Variants in LFNG observed in about 807,000 individuals in gnomAD.
LFNG encodes LFNG O-fucosylpeptide 3-beta-N-acetylglucosaminyltransferase.
A neutral mutation model predicts 32.7 loss-of-function variants in LFNG; 15 were observed. That is an observed-to-expected ratio of 0.46 (90% CI 0.31 to 0.71). The LOEUF (loss-of-function observed/expected upper bound fraction) is 0.71, where lower values mean the gene tolerates loss of function less well. Among genes scored for constraint, LFNG ranks in the 30% least tolerant of loss-of-function variants. The pLI, the probability that LFNG is intolerant of heterozygous loss-of-function variation, is 0.06. For synonymous variants in LFNG, 274 were observed against 246.8 expected, an observed-to-expected ratio of 1.11 and a Z score of -1.03; for missense variants, 520 against 545.7, an observed-to-expected ratio of 0.95 and a Z score of 0.47.
Position 2,526,989 on chromosome 7 carries a change from C to G in LFNG, c.1073+68C>G. 1 of 1,489,764 alleles carries G rather than the reference C, an allele frequency of 6.7e-7. No homozygotes were observed. The highest frequency in any genetic ancestry group is 9.3e-7 in the Non-Finnish European group (1 of 1,074,518). The allele number at this position is 1,489,764 out of a possible 1,614,324, so 92.3% of individuals were successfully genotyped here. A position where few individuals can be genotyped will look rare whatever the true frequency, so the allele number is the denominator to read the frequency against. On this transcript the variant is annotated intron_variant, in intron 7 of 7. Coordinates refer to ENST00000222725, the MANE Select transcript of LFNG (RefSeq NM_001040167.2). The surrounding 1 kb of genome is among the most constrained non-coding windows in gnomAD (Gnocchi z 6.9). ...AGGGGCGTCAGGGGGCCTCGTGGAG[C>G]TGCAGCAGGGTCTCTCTAAGCGGCA...
In LFNG at chr7:2,519,797, C is replaced by G. The variant is rs1266331685; in HGVS notation, c.-65C>G. 4.2e-6 allele frequency: 4 copies of G among 947,068 alleles called. No individual in the cohort carries two copies. Among genetic ancestry groups the G allele is most frequent in the Non-Finnish European group, 5.1e-6 (4 of 786,270 alleles). The allele number at this position is 947,068 out of a possible 1,614,324, so 58.7% of individuals were successfully genotyped here. On this transcript the variant is annotated 5_prime_UTR_variant, in exon 1 of 8. Coordinates refer to ENST00000222725, the MANE Select transcript of LFNG (RefSeq NM_001040167.2). ...CTGCTGGACTGCGCCGCCGGAGCGA[C>G]GGGCTTCGGGTCGGTGCAAGGCAGG...
At chr7:2,523,574 G>C (rs1779852158) in intron 1 of LFNG, 1 of 152,248 alleles carries the variant, frequency 6.6e-6, no homozygotes, top group South Asian at 2.1e-4. Flanking sequence ...CGCTGGGCGG[G>C]CCGGGCAGAG....
chr7:2,518,546 AG>A, upstream of LFNG: 1 of 1,370,176 alleles, frequency 7.3e-7, no homozygotes, highest in Non-Finnish European at 1.0e-6. Context: ...AACCTGTTCC[AG>A]GTCTGAATGA....
intron 1 of LFNG, 154 bp from the exon 2 acceptor site, chr7:2,524,541 G>T: frequency 1.4e-6 from 1 of 740,198 alleles, no homozygotes; most frequent in Non-Finnish European, 2.4e-6. Flanking sequence ...GCCCTTCTCA[G>T]CACGAGTGGG....
intron 1 of LFNG, among the ~76,000 whole-genome samples, chr7:2,521,686 T>C (rs981367876): frequency 1.3e-5 from 2 of 152,228 alleles, no homozygotes; most frequent in Admixed American, 1.3e-4. Context: ...CCACCAGCTC[T>C]GAGCACCTCT....
upstream of LFNG, among the ~76,000 whole-genome samples, chr7:2,515,149 C>T (rs1235198023): frequency 1.4e-5 from 2 of 147,972 alleles, no homozygotes; most frequent in South Asian, 2.2e-4. Context: ...CATCCATCCA[C>T]CTTTCCATCC....
intron 1 of LFNG, among the ~76,000 whole-genome samples, chr7:2,524,080 G>A (rs1375953838): frequency 3.3e-5 from 5 of 152,166 alleles, no homozygotes; most frequent in Non-Finnish European, 7.4e-5. Flanking sequence ...AGGCCGGCCC[G>A]GCGCCCCTCT....
upstream of LFNG, among the ~76,000 whole-genome samples, chr7:2,513,849 C>A (rs970021851): frequency 1.3e-5 from 2 of 152,230 alleles, no homozygotes; most frequent in Admixed American, 6.5e-5. Context: ...CCCATCCAGC[C>A]CCATGGCCCA....
chr7:2,527,822 G>A lies in LFNG; in HGVS notation c.*610G>A. On this transcript the variant is annotated 3_prime_UTR_variant, in exon 8 of 8. Transcript: ENST00000222725. This position sits in a 1 kb window ranked among gnomAD's most constrained non-coding sequence, Gnocchi z 4.4. Reference sequence around the variant, plus strand: ...GAAGCCCCCAGTGGCTGGCTGTCCAGCTGGGCAAACAGTGGCACCCCTCCC... The same window carrying A: ...GAAGCCCCCAGTGGCTGGCTGTCCAACTGGGCAAACAGTGGCACCCCTCCC... 1 of 1,003,886 alleles carries A rather than the reference G, an allele frequency of 1.0e-6. No individual in the cohort carries two copies. The highest frequency in any genetic ancestry group is 1.2e-6 in the Non-Finnish European group (1 of 839,620). The allele number at this position is 1,003,886 out of a possible 1,614,324, so 62.2% of individuals were successfully genotyped here. A position where few individuals can be genotyped will look rare whatever the true frequency, so the allele number is the denominator to read the frequency against.
At position 2,526,380 on chromosome 7, in the gene LFNG, C is replaced by T. The variant is rs750422197; in HGVS notation, c.958C>T (p.Gln320Ter). ...CCACTCCCACCTGGAGAACCTGCAG[C>T]AGGTGCCCACCTCGGAGCTCCACGA... Reference protein sequence around the residue: ...LFHSHLENLQQVPTSELHEQV... With the variant: ...LFHSHLENLQ The change falls in exon 6 of 8, where the codon CAG becomes TAG. Residue 320 changes from glutamine (Q) to a stop codon, truncating the protein, a stop_gained. Coordinates refer to ENST00000222725, the MANE Select transcript of LFNG (RefSeq NM_001040167.2). LOFTEE classifies it high-confidence loss of function. The surrounding 1 kb of genome is among the most constrained non-coding windows in gnomAD (Gnocchi z 6.9). 6.2e-7 allele frequency: 1 copy of T among 1,610,696 alleles called. No homozygotes were observed.
chr7:2,517,231 G>A (rs962350157), upstream of LFNG, among the ~76,000 whole-genome samples: 3 of 152,136 alleles, frequency 2.0e-5, no homozygotes, highest in Non-Finnish European at 2.9e-5. Flanking sequence ...CAGACCTCAA[G>A]AAGTCACCAC....
chr7:2,525,404 T>G lies in LFNG; in HGVS notation c.582-10T>G. On this transcript the variant is annotated splice_polypyrimidine_tract_variant and intron_variant, in intron 3 of 7. Coordinates refer to ENST00000222725, the MANE Select transcript of LFNG (RefSeq NM_001040167.2). ...CATGCCCTCCCCCGATGGCCCTGCC[T>G]TGTCCTCAGGTGGTTCTGCCACGTG... The G allele has an allele frequency of 6.2e-7, 1 of 1,612,812 alleles. No homozygotes were observed. Among genetic ancestry groups the G allele is most frequent in the African/African-American group, 1.3e-5 (1 of 75,064 alleles).
intron 3 of LFNG, 43 bp from the exon 4 acceptor site, chr7:2,525,371 C>G (rs758104832): frequency 1.1e-5 from 17 of 1,612,100 alleles, no homozygotes; most frequent in Admixed American, 1.7e-5. Flanking sequence ...TGGCAGCGCC[C>G]GCCCCGGCAT....
upstream of LFNG, among the ~76,000 whole-genome samples, chr7:2,514,839 CATCCATCCATCCATTCATCTGTCT>C (rs1384447429): frequency 1.3e-5 from 2 of 151,064 alleles, no homozygotes; most frequent in Non-Finnish European, 3.0e-5. Flanking sequence ...TCCATCCATC[CATCCATCCATCCATTCATCTGTCT>C]ATCCATCCAT....
At chr7:2,521,132 C>G (rs913121245) in intron 1 of LFNG, among the ~76,000 whole-genome samples, 2 of 149,156 alleles carry the variant, frequency 1.3e-5, no homozygotes, top group South Asian at 2.2e-4. Flanking sequence ...GCTCAAACCC[C>G]GGAGACCCAG....
At chr7:2,517,905 C>T, upstream of LFNG, 1 of 1,161,004 alleles carries the variant, frequency 8.6e-7, no homozygotes, top group Admixed American at 4.1e-5. Flanking sequence ...TGGCTATGAT[C>T]CTAGTTGTCC....
Position 2,526,256 on chromosome 7 carries a change from C to T in LFNG, c.834C>T (p.Phe278=), listed in dbSNP as rs772525075. Residue 278 remains phenylalanine, a synonymous_variant, in exon 6 of 8, where the codon TTC becomes TTT. Coordinates refer to ENST00000222725, the MANE Select transcript of LFNG (RefSeq NM_001040167.2). The surrounding 1 kb of genome is among the most constrained non-coding windows in gnomAD (Gnocchi z 6.9). ...KMSPWASGGH[F]MNTAERIRLP... Reference sequence around the variant, plus strand: ...TTCCCTCCCGCAGCGGGGGTCACTTCATGAATACGGCTGAGCGGATCCGGC... The same window carrying T: ...TTCCCTCCCGCAGCGGGGGTCACTTTATGAATACGGCTGAGCGGATCCGGC... 2 of 1,613,078 alleles carry T rather than the reference C, an allele frequency of 1.2e-6. No homozygotes were observed. The highest frequency in any genetic ancestry group is 4.5e-5 in the East Asian group (2 of 44,868).
chr7:2,528,827 C>G, downstream of LFNG: 1 of 626,142 alleles, frequency 1.6e-6, no homozygotes, highest in Non-Finnish European at 2.9e-6. Context: ...TCCAACTTCA[C>G]TCCTGCCACG....
At chr7:2,514,816 G>GTCCA (rs5881928), upstream of LFNG, among the ~76,000 whole-genome samples, 14,202 of 111,226 alleles carry the variant, frequency 0.13, 606 homozygotes, top group Admixed American at 0.17. Context: ...CGGTCTGTCT[G>GTCCA]TCCATCCATC....
Sources: gnomAD v4.1 joint callset for allele counts (sites outside exome capture counted in the v4.1 genomes callset) on GRCh38, gnomAD v4.1.1 for gene constraint, Gnocchi (gnomAD v3.1) non-coding constraint, MANE v1.5 for transcripts, NCBI Gene and HGNC (gene_info 2026-07-23, HGNC 2026-07-21) for gene names.